The following MPHOSPH9 variants were observed in gnomAD, a reference collection of about 807,000 sequenced individuals.
The protein encoded by MPHOSPH9 is M-phase phosphoprotein 9.
A neutral mutation model predicts 145.5 loss-of-function variants in MPHOSPH9; 88 were observed. The ratio of observed to expected loss-of-function variants is 0.60; its 90% CI spans 0.51 to 0.72. The LOEUF is 0.72. Ranked by LOEUF, MPHOSPH9 falls within the 30% of genes least tolerant of loss-of-function variation. The probability of loss-of-function intolerance (pLI) is 0.00; values close to 1 mark genes in which losing one functional copy is unlikely to be tolerated. For synonymous variants in MPHOSPH9, 435 were observed against 486.2 expected (o/e 0.89, Z 1.39); for missense variants, 1,238 against 1,386.6 (o/e 0.89, Z 1.70).
intron 13 of MPHOSPH9, among the ~76,000 whole-genome samples, chr12:123,185,993 G>A (rs559641428): frequency 7.9e-5 from 12 of 151,994 alleles, no homozygotes; most frequent in East Asian, 1.9e-4. Context: ...TTGGGAGGCC[G>A]AGGCGGGTGG....
At chr12:123,209,414 T>C (rs2046597076) in intron 8 of MPHOSPH9, among the ~76,000 whole-genome samples, 1 of 152,070 alleles carries the variant, frequency 6.6e-6, no homozygotes, top group Non-Finnish European at 1.5e-5. Context: ...ACACAGTTTT[T>C]TTTTTCTTTG....
chr12:123,212,160 T>C (rs2046753080), intron 7 of MPHOSPH9, among the ~76,000 whole-genome samples: 1 of 151,864 alleles, frequency 6.6e-6, no homozygotes, highest in African/African-American at 2.4e-5. Flanking sequence ...GATTTTAAAA[T>C]AGGATAAAGG....
chr12:123,163,906 G>A lies in MPHOSPH9; in HGVS notation c.2908+44C>T, dbSNP rs201051506. 64 of 1,609,622 alleles carry A rather than the reference G, an allele frequency of 4.0e-5. No homozygotes were observed. In the African/African-American group the frequency reaches 6.5e-4, roughly 16 times the overall value. On this transcript the variant is annotated intron_variant, in intron 19 of 23. Transcript: ENST00000606320. The stretch of plus-strand genomic sequence containing the variant: ...CGGGCACAAATAGATTTGACTCAGA[G>A]ATCACGCTTTTGAACCCAAGAGATG...
intron 13 of MPHOSPH9, among the ~76,000 whole-genome samples, chr12:123,190,802 T>TAGA (rs1339014424): frequency 1.3e-5 from 2 of 152,194 alleles, no homozygotes; most frequent in African/African-American, 4.8e-5. Context: ...AAGAGAGGAA[T>TAGA]AGAAGACAGT....
chr12:123,203,085 C>T lies in MPHOSPH9; in HGVS notation c.1321-1G>A. The T allele has an allele frequency of 6.2e-7, 1 of 1,608,718 alleles. No individual in the cohort carries two copies. Among genetic ancestry groups the T allele is most frequent in the Non-Finnish European group, 8.5e-7 (1 of 1,177,914 alleles). The stretch of plus-strand genomic sequence containing the variant: ...GTAACGTAGGATCTAGAGTCAGGAC[C>T]TGGAAACCAGACAACAACGAAGTCT... On this transcript the variant is annotated splice_acceptor_variant, in intron 9 of 23. Transcript: ENST00000606320. LOFTEE classifies it high-confidence loss of function.
At chr12:123,228,933 G>A (rs776784655) in intron 2 of MPHOSPH9, among the ~76,000 whole-genome samples, 3 of 152,094 alleles carry the variant, frequency 2.0e-5, no homozygotes, top group Admixed American at 1.3e-4. Context: ...ACCAAAATGC[G>A]TGGCCAACTT....
At chr12:123,211,727 T>A (rs981193093) in intron 7 of MPHOSPH9, among the ~76,000 whole-genome samples, 1 of 130,828 alleles carries the variant, frequency 7.6e-6, no homozygotes, top group African/African-American at 2.7e-5. Context: ...AGGGCCTCCA[T>A]CTGTCACCCA....
rs535998657 is a variant in MPHOSPH9 at position 123,214,153 on chromosome 12, C to T, written c.1087+591G>A. 5.9e-5 allele frequency among the ~76,000 whole-genome samples: 9 copies of T among 152,110 alleles called. No individual in the cohort carries two copies. In the East Asian group the frequency reaches 9.6e-4, roughly 16 times the overall value. ...TGAATTTAATTCATTTTGGACTACC[C>T]GAAAAAGGTTGATGATTTTTACAGC... On this transcript the variant is annotated intron_variant, in intron 7 of 23. Coordinates refer to ENST00000606320, the MANE Select transcript of MPHOSPH9 (RefSeq NM_022782.4).
At position 123,161,219 on chromosome 12, in the gene MPHOSPH9, T is replaced by A; in HGVS notation, c.3298A>T (p.Asn1100Tyr). ...ATTTTTGCTGTATATTCAAAATCAT[T>A]CCCCTGTGGAGTGACTGAAACCGGC... ...CKPVSVTPQG[N>Y]DFEYTAKIRT... Residue 1100 changes from asparagine to tyrosine, a missense_variant, in exon 22 of 24, where the codon AAT becomes TAT. Physicochemically the swap from Asn to Tyr is moderately radical, Grantham distance 143 (BLOSUM62 -2). Coordinates refer to ENST00000606320, the MANE Select transcript of MPHOSPH9 (RefSeq NM_022782.4). The A allele has an allele frequency of 1.2e-6, 2 of 1,614,178 alleles. No individual in the cohort carries two copies. Among genetic ancestry groups the A allele is most frequent in the Non-Finnish European group, 1.7e-6 (2 of 1,180,020 alleles).
intron 1 of MPHOSPH9, among the ~76,000 whole-genome samples, chr12:123,241,780 G>A (rs760746061): frequency 6.6e-6 from 1 of 152,240 alleles, no homozygotes; most frequent in Non-Finnish European, 1.5e-5. Context: ...CACAGGCCTT[G>A]TTGCAGAGTT....
intron 3 of MPHOSPH9, among the ~76,000 whole-genome samples, chr12:123,226,021 G>A (rs796164316): frequency 2.6e-5 from 4 of 152,306 alleles, no homozygotes; most frequent in African/African-American, 9.6e-5. Flanking sequence ...GGGCAACAGA[G>A]CAAGACTCTG....
chr12:123,169,363 G>A (rs1459683978), intron 16 of MPHOSPH9, among the ~76,000 whole-genome samples: 2 of 151,436 alleles, frequency 1.3e-5, no homozygotes, highest in South Asian at 2.1e-4. Context: ...GCCAGGTGTG[G>A]TGACGGGCAC....
upstream of MPHOSPH9, among the ~76,000 whole-genome samples, chr12:123,236,286 C>A (rs2047849018): frequency 6.6e-6 from 1 of 151,996 alleles, no homozygotes; most frequent in Non-Finnish European, 1.5e-5. Flanking sequence ...GTATTAAATA[C>A]AATAATGTAT....
chr12:123,168,378 G>GT (rs2044411523), intron 16 of MPHOSPH9, among the ~76,000 whole-genome samples: 3 of 138,562 alleles, frequency 2.2e-5, no homozygotes, highest in Non-Finnish European at 4.6e-5. Flanking sequence ...GTCTCGCTCT[G>GT]TCACCCAGGC....
rs1231127317 is a variant in MPHOSPH9, at chr12:123,230,444, T to C, written c.-80A>G. 2.8e-6 allele frequency: 2 copies of C among 722,758 alleles called. No homozygotes were observed. The highest frequency in any genetic ancestry group is 3.3e-5 in the Admixed American group (1 of 30,492). 44.8% of individuals were successfully genotyped at this position (722,758 alleles called of 1,614,324 possible). A position where few individuals can be genotyped will look rare whatever the true frequency, so the allele number is the denominator to read the frequency against. On this transcript the variant is annotated 5_prime_UTR_variant, in exon 2 of 24. Transcript: ENST00000606320. ...TTGAGAAAAATGAATCCGTGTCATC[T>C]TCAGAGGCTTCATCATCTACTGGCA...
intron 3 of MPHOSPH9, 128 bp downstream of exon 3, chr12:123,227,335 A>G: frequency 1.6e-6 from 1 of 632,810 alleles, no homozygotes; most frequent in Non-Finnish European, 2.4e-6. Flanking sequence ...AATATACTTG[A>G]CCACTTTAGC....
chr12:123,203,173 G>GA (rs2046294030), intron 9 of MPHOSPH9, 77 bp downstream of exon 9: 1 of 1,591,498 alleles, frequency 6.3e-7, no homozygotes, highest in Non-Finnish European at 8.5e-7. Flanking sequence ...ATCTCCTAGG[G>GA]AAAATGAAGC....
chr12:123,168,388 C>T (rs924614552), intron 16 of MPHOSPH9, among the ~76,000 whole-genome samples: 8 of 148,936 alleles, frequency 5.4e-5, no homozygotes, highest in Non-Finnish European at 3.0e-5. Flanking sequence ...GTCACCCAGG[C>T]TGGAGTACGG....
intron 13 of MPHOSPH9, among the ~76,000 whole-genome samples, chr12:123,187,718 C>T (rs2045507572): frequency 6.6e-6 from 1 of 152,166 alleles, no homozygotes; most frequent in South Asian, 2.1e-4. Flanking sequence ...AAATGTACAA[C>T]AGAAGTCAGT....
Sources: gnomAD v4.1 joint callset for allele counts (sites outside exome capture counted in the v4.1 genomes callset) on GRCh38, gnomAD v4.1.1 for gene constraint, MANE v1.5 for transcripts, NCBI Gene and HGNC (gene_info 2026-07-23, HGNC 2026-07-21) for gene names.